The following TP53BP2 variants were observed in gnomAD, a reference collection of about 807,000 sequenced individuals.
TP53BP2 encodes the protein apoptosis-stimulating of p53 protein 2.
A neutral mutation model predicts 126.2 loss-of-function variants in TP53BP2; 62 were observed. That is an observed-to-expected ratio of 0.49 (90% confidence interval 0.40 to 0.61). The LOEUF is 0.61. Ranked by LOEUF, TP53BP2 falls within the 20% of genes least tolerant of loss-of-function variation. TP53BP2 has a pLI of 0.00. For synonymous variants in TP53BP2, 485 were observed against 502.9 expected (o/e 0.96, Z 0.48); for missense variants, 1,215 against 1,402.8 (o/e 0.87, Z 2.14).
At chr1:223,837,550 C>A (rs1251947434) in intron 1 of TP53BP2, among the ~76,000 whole-genome samples, 1 of 152,134 alleles carries the variant, frequency 6.6e-6, no homozygotes, top group Non-Finnish European at 1.5e-5. Context: ...TTTATTAGAG[C>A]AAGTGACAAA....
intron 1 of TP53BP2, among the ~76,000 whole-genome samples, chr1:223,839,499 A>G (rs1245602804): frequency 6.6e-6 from 1 of 152,258 alleles, no homozygotes; most frequent in Non-Finnish European, 1.5e-5. Flanking sequence ...TACCACAAGT[A>G]GTTTAAACTG....
Position 223,802,192 on chromosome 1 carries a change from G to T in TP53BP2, c.1149C>A (p.Val383=). ...VKPALPDGSL[V]IQASEGPMKI... ...TCATCGGCCCCTCTGAAGCCTGAATGACCAAGGAACCATCCGGCAGGGCTG... is the reference window on the plus strand; with the variant it reads ...TCATCGGCCCCTCTGAAGCCTGAATTACCAAGGAACCATCCGGCAGGGCTG... Residue 383 remains valine (V), a synonymous_variant, in exon 9 of 18, where the codon GTC becomes GTA. Coordinates refer to ENST00000343537, the MANE Select transcript of TP53BP2 (RefSeq NM_001031685.3). 6.2e-7 allele frequency: 1 copy of T among 1,614,178 alleles called. No individual in the cohort carries two copies. The highest frequency in any genetic ancestry group is 1.1e-5 in the South Asian group (1 of 91,058).
At chr1:223,792,262 A>T (rs1319971799) in intron 15 of TP53BP2, 127 bp downstream of exon 15, 1 of 1,057,648 alleles carries the variant, frequency 9.5e-7, no homozygotes. Context: ...ACATTTCTCC[A>T]GCTAGATTAC....
chr1:223,819,686 AAAAAAAG>A (rs1663233468), intron 2 of TP53BP2, among the ~76,000 whole-genome samples: 1 of 85,026 alleles, frequency 1.2e-5, no homozygotes, highest in Admixed American at 1.2e-4. Flanking sequence ...ACTCCATCTC[AAAAAAAG>A]AAAAAAGAAA....
intron 1 of TP53BP2, among the ~76,000 whole-genome samples, chr1:223,831,079 G>C (rs184634575): frequency 2.0e-5 from 3 of 146,748 alleles, no homozygotes; most frequent in Non-Finnish European, 4.4e-5. Context: ...GCCTGGGAGA[G>C]AGAGTGAGAC....
Position 223,796,467 on chromosome 1 carries a change from T to C in TP53BP2, c.2072A>G (p.Gln691Arg). ...EPETEPVSSV[Q>R]ENHENERIPR... ...AATTCTTTCGTTTTCATGGTTCTCC[T>C]GAACTGAAGAAACAGGCTCTGTTTC... Residue 691 changes from glutamine (Q) to arginine (R), a missense_variant, in exon 13 of 18, where the codon CAG becomes CGG. Coordinates refer to ENST00000343537, the MANE Select transcript of TP53BP2 (RefSeq NM_001031685.3). The surrounding 1 kb of genome is among the most constrained non-coding windows in gnomAD (Gnocchi z 4.2). 3 of 1,614,222 alleles carry C rather than the reference T, an allele frequency of 1.9e-6. No homozygotes were observed. The highest frequency in any genetic ancestry group is 2.5e-6 in the Non-Finnish European group (3 of 1,180,030).
At chr1:223,828,949 A>G (rs1379986834) in intron 1 of TP53BP2, among the ~76,000 whole-genome samples, 5 of 152,134 alleles carry the variant, frequency 3.3e-5, no homozygotes, top group African/African-American at 1.2e-4. Context: ...TGAATTGTAC[A>G]TTTTATATGG....
At chr1:223,829,108 C>G (rs1232041885) in intron 1 of TP53BP2, among the ~76,000 whole-genome samples, 11 of 152,096 alleles carry the variant, frequency 7.2e-5, no homozygotes, top group Admixed American at 7.2e-4. Context: ...AGGGGAATCA[C>G]TTGAGCCCAG....
chr1:223,834,892 T>G, intron 1 of TP53BP2: 7 of 983,492 alleles, frequency 7.1e-6, no homozygotes, highest in Non-Finnish European at 8.5e-6. Context: ...TGTAGTTGTC[T>G]GTATCCCTGT....
rs749446453 is a variant in TP53BP2, at chr1:223,798,441, A to G, written c.1722T>C (p.Leu574=). The change falls in exon 12 of 18, where the codon CTT becomes CTC. Residue 574 remains leucine, a synonymous_variant. Transcript: ENST00000343537. ...SIPSVGQDQT[L]SPGSKQESPP... ...GACTTTCTTGCTTAGAACCTGGAGA[A>G]AGGGTCTGGTCTTGGCCAACCGAAG... The G allele has an allele frequency of 1.2e-5, 19 of 1,614,008 alleles. No individual in the cohort carries two copies. Among genetic ancestry groups the G allele is most frequent in the Middle Eastern group, 1.6e-4 (1 of 6,084 alleles).
intron 2 of TP53BP2, among the ~76,000 whole-genome samples, chr1:223,816,899 C>T (rs1165439946): frequency 6.6e-6 from 1 of 150,834 alleles, no homozygotes; most frequent in African/African-American, 2.4e-5. Context: ...GTGGCTCACA[C>T]CTGTAATCCC....
intron 2 of TP53BP2, among the ~76,000 whole-genome samples, chr1:223,815,436 A>G (rs1197512998): frequency 6.6e-6 from 1 of 152,220 alleles, no homozygotes; most frequent in Admixed American, 6.5e-5. Flanking sequence ...TCCAAAAGAA[A>G]TTCTGAGTAG....
rs185596704 is a variant in TP53BP2, at chr1:223,842,925, A to G, written c.27+2729T>C. Among the ~76,000 whole-genome samples the G allele has an allele frequency of 2.2e-4, 33 of 152,342 alleles. No homozygotes were observed. The East Asian group carries it at 2.3e-3, about 11-fold the overall frequency. ...CCAGTTTCTCCTCGGCAAGTTGTGG[A>G]AATATCATAGAACTAGAGATACTAA... On this transcript the variant is annotated intron_variant, in intron 1 of 17. Transcript: ENST00000343537.
intron 1 of TP53BP2, among the ~76,000 whole-genome samples, chr1:223,830,925 GTC>G (rs1320804402): frequency 1.3e-5 from 2 of 152,034 alleles, no homozygotes; most frequent in African/African-American, 4.8e-5. Context: ...GGTGAAACCC[GTC>G]TCTACTAAAA....
intron 1 of TP53BP2, 41 bp downstream of exon 1, chr1:223,845,613 C>T: frequency 6.5e-7 from 1 of 1,535,200 alleles, no homozygotes; most frequent in Non-Finnish European, 8.7e-7. Flanking sequence ...CGCGACCCCG[C>T]ACACTTCCGG....
chr1:223,794,575 TC>T (rs1239119463), intron 13 of TP53BP2, among the ~76,000 whole-genome samples: 3 of 152,220 alleles, frequency 2.0e-5, no homozygotes, highest in African/African-American at 7.2e-5. Flanking sequence ...ATTCTAGTTT[TC>T]CTTTTTTCTC....
In TP53BP2 at chr1:223,795,846, G is replaced by A; in HGVS notation, c.2693C>T (p.Pro898Leu). Residue 898 changes from proline (P) to leucine (L), a missense_variant, in exon 13 of 18, where the codon CCT (proline) becomes CTT (leucine). Physicochemically the swap from Pro to Leu is moderately conservative, Grantham distance 98. Around this residue, in one of 4 missense-constraint regions of TP53BP2, gnomAD observed 204 missense variants for 225.7 expected, o/e 0.90. Coordinates refer to ENST00000343537, the MANE Select transcript of TP53BP2 (RefSeq NM_001031685.3). ...PGEDSVSMRPPEITGQVSLPP... is the reference protein window; with the variant it reads ...PGEDSVSMRPLEITGQVSLPP... ...CAGAGAGACCTGCCCGGTGATTTCAGGCGGGCGCATGCTCACCGAGTCTTC... is the reference window on the plus strand; with the variant it reads ...CAGAGAGACCTGCCCGGTGATTTCAAGCGGGCGCATGCTCACCGAGTCTTC... 6.4e-7 allele frequency: 1 copy of A among 1,566,426 alleles called. No homozygotes were observed. Among genetic ancestry groups the A allele is most frequent in the South Asian group, 1.2e-5 (1 of 85,134 alleles).
At chr1:223,833,193 A>ATAT (rs1663803977) in intron 1 of TP53BP2, among the ~76,000 whole-genome samples, 2 of 152,190 alleles carry the variant, frequency 1.3e-5, no homozygotes, top group South Asian at 4.1e-4. Flanking sequence ...AGGCTCAATG[A>ATAT]TATTAAACCT....
chr1:223,807,081 T>G, intron 4 of TP53BP2, 134 bp from the exon 5 acceptor site: 2 of 592,238 alleles, frequency 3.4e-6, no homozygotes, highest in Non-Finnish European at 5.9e-6. Context: ...TTTTCTTTCA[T>G]AATATCAAGC....
Sources: gnomAD v4.1 joint callset for allele counts (sites outside exome capture counted in the v4.1 genomes callset) on GRCh38, gnomAD v4.1.1 for gene constraint, gnomAD v4.1.1 regional missense constraint, Gnocchi (gnomAD v3.1) non-coding constraint, MANE v1.5 for transcripts, NCBI Gene and HGNC (gene_info 2026-07-23, HGNC 2026-07-21) for gene names.